SNX8: variants seen among roughly 807,000 people sequenced by gnomAD.
SNX8 encodes the protein sorting nexin 8.
SNX8 carries 25 observed loss-of-function variants against 51.6 expected under a neutral mutation model. The ratio of observed to expected loss-of-function variants is 0.48; its 90% CI spans 0.35 to 0.68. The LOEUF is 0.68. Ranked by LOEUF, SNX8 falls within the 30% of genes least tolerant of loss-of-function variation. The pLI, the probability that SNX8 is intolerant of heterozygous loss-of-function variation, is 0.00. For synonymous variants in SNX8, 324 were observed against 277.0 expected (o/e 1.17, Z -1.68); for missense variants, 695 against 624.0 (o/e 1.11, Z -1.21).
chr7:2,281,180 T>G (rs1795898309), intron 1 of SNX8, among the ~76,000 whole-genome samples: 1 of 151,960 alleles, frequency 6.6e-6, no homozygotes, highest in South Asian at 2.1e-4. Context: ...ATCCCAGCAC[T>G]TTGGGAGGCT....
At chr7:2,286,573 A>G (rs1796033920) in intron 1 of SNX8, among the ~76,000 whole-genome samples, 1 of 149,140 alleles carries the variant, frequency 6.7e-6, no homozygotes, top group Non-Finnish European at 1.5e-5. Flanking sequence ...GCTGGAGTGC[A>G]GTGGCACGAT....
intron 1 of SNX8, among the ~76,000 whole-genome samples, chr7:2,344,611 C>CAAA (rs11370817): frequency 2.2e-5 from 3 of 134,316 alleles, no homozygotes; most frequent in Non-Finnish European, 1.6e-5. Context: ...GACTCCAACT[C>CAAA]AAAAAAAAAA....
At chr7:2,333,546 A>G (rs182681145) in intron 1 of SNX8, among the ~76,000 whole-genome samples, 96 of 152,268 alleles carry the variant, frequency 6.3e-4, no homozygotes, top group African/African-American at 2.0e-3. Context: ...TGAGTGGCAG[A>G]GTGAGAACCT....
At chr7:2,298,251 G>C (rs1038695822) in intron 1 of SNX8, among the ~76,000 whole-genome samples, 1 of 151,996 alleles carries the variant, frequency 6.6e-6, no homozygotes, top group Non-Finnish European at 1.5e-5. Flanking sequence ...CCGAGTAGCC[G>C]GGGCTACAGG....
intron 1 of SNX8, among the ~76,000 whole-genome samples, chr7:2,331,755 C>T (rs1485952692): frequency 6.6e-6 from 1 of 151,250 alleles, no homozygotes; most frequent in Admixed American, 6.6e-5. Flanking sequence ...CATTAAAAAA[C>T]AGGAAATACA....
At chr7:2,308,930 C>T (rs1796607046) in intron 1 of SNX8, among the ~76,000 whole-genome samples, 1 of 151,920 alleles carries the variant, frequency 6.6e-6, no homozygotes, top group Non-Finnish European at 1.5e-5. Flanking sequence ...GCTGGGATTA[C>T]AGGCACTCGC....
chr7:2,255,222 TCAC>T, intron 10 of SNX8, 53 bp from the exon 11 acceptor site: 2 of 1,175,182 alleles, frequency 1.7e-6, no homozygotes, highest in Non-Finnish European at 2.4e-6. Flanking sequence ...GGGCTCCTCC[TCAC>T]GCTCTGATCC....
At chr7:2,257,305 C>T in intron 9 of SNX8, 60 bp downstream of exon 9, 1 of 1,557,306 alleles carries the variant, frequency 6.4e-7, no homozygotes, top group South Asian at 1.2e-5. Context: ...GGCTCCGGGT[C>T]CCACCATGGC....
Position 2,252,587 on chromosome 7 carries a change from TG to T in SNX8, c.*2468del. 1 of 153,034 alleles carries T rather than the reference TG, an allele frequency of 6.5e-6. No homozygotes were observed. Among genetic ancestry groups the T allele is most frequent in the East Asian group, 1.9e-4 (1 of 5,148 alleles). 9.5% of individuals were successfully genotyped at this position (153,034 alleles called of 1,614,324 possible). On this transcript the variant is annotated 3_prime_UTR_variant, in exon 11 of 11. Transcript: ENST00000222990. ...GCACACAGGAAGCAGCCACCACACGTGGGAGACAGGCTGCCCTCGTCACCGC... is the reference window on the plus strand; with the variant it reads ...GCACACAGGAAGCAGCCACCACACGTGGAGACAGGCTGCCCTCGTCACCGC...
upstream of SNX8, among the ~76,000 whole-genome samples, chr7:2,316,764 C>G (rs1333912053): frequency 6.6e-6 from 1 of 152,124 alleles, no homozygotes; most frequent in East Asian, 1.9e-4. Flanking sequence ...CACTCACTCA[C>G]TGCATCCTGC....
At chr7:2,283,271 C>G (rs1562437173) in intron 1 of SNX8, among the ~76,000 whole-genome samples, 3 of 152,268 alleles carry the variant, frequency 2.0e-5, no homozygotes, top group African/African-American at 7.2e-5. Flanking sequence ...GGGACAGACA[C>G]TGGAGGGTCC....
chr7:2,268,283 A>T (rs1256246309), intron 5 of SNX8, among the ~76,000 whole-genome samples: 2 of 130,676 alleles, frequency 1.5e-5, no homozygotes, highest in African/African-American at 6.6e-5. Context: ...CCGTCTGAGA[A>T]GTGAGGAGAC....
Position 2,322,468 on chromosome 7 carries a change from G to A in SNX8, c.-66+31754C>T, listed in dbSNP as rs559518658. ...CCAGCACTTTGGGAGGCCAAGGCGG[G>A]TGGATCACCTGAGGTCAGGGGTTCG... On this transcript the variant is annotated intron_variant, in intron 1 of 5. Coordinates refer to the SNX8 transcript ENST00000435336. Among the ~76,000 whole-genome samples, 21 of 152,170 alleles carry A rather than the reference G, an allele frequency of 1.4e-4. No homozygotes were observed. The South Asian group carries it at 4.4e-3, about 32-fold the overall frequency.
At position 2,278,223 on chromosome 7, in the gene SNX8, C is replaced by T. The variant is rs778934841; in HGVS notation, c.177G>A (p.Gly59=). Residue 59 remains glycine (G), a synonymous_variant, in exon 2 of 11, where the codon GGG becomes GGA. Coordinates refer to ENST00000222990, the MANE Select transcript of SNX8 (RefSeq NM_013321.4). ...PAPSRMQMPQ[G]NPLLLSHTLQ... Reference sequence around the variant, plus strand: ...GGGTGTGGGACAGCAGCAGCGGGTTCCCCTGCGGCATCTGCATTCGACTGG... The same window carrying T: ...GGGTGTGGGACAGCAGCAGCGGGTTTCCCTGCGGCATCTGCATTCGACTGG... The T allele has an allele frequency of 1.2e-6, 2 of 1,612,434 alleles. No homozygotes were observed. The highest frequency in any genetic ancestry group is 1.7e-6 in the Non-Finnish European group (2 of 1,178,908).
At position 2,255,136 on chromosome 7, in the gene SNX8, G is replaced by T; in HGVS notation, c.1318C>A (p.Leu440Ile). 1 of 1,576,852 alleles carries T rather than the reference G, an allele frequency of 6.3e-7. No homozygotes were observed. The highest frequency in any genetic ancestry group is 8.6e-7 in the Non-Finnish European group (1 of 1,161,216). Reference protein sequence around the residue: ...SKVWNDLRPKLSCLFAGPHST... With the variant: ...SKVWNDLRPKISCLFAGPHST... ...TGTGGTCCCGCAAAGAGGCAGCTGA[G>T]CTTGGGCCTCAGGTCGTTCCACACC... The change falls in exon 11 of 11, where the codon CTC becomes ATC. Residue 440 changes from leucine to isoleucine, a missense_variant. Physicochemically the swap from Leu to Ile is conservative, Grantham distance 5. Transcript: ENST00000222990.
At chr7:2,289,512 C>A (rs939373885) in intron 1 of SNX8, among the ~76,000 whole-genome samples, 40 of 152,204 alleles carry the variant, frequency 2.6e-4, no homozygotes, top group African/African-American at 9.7e-4. Context: ...CCTCTTTTAA[C>A]ACAGTTGCGA....
intron 1 of SNX8, among the ~76,000 whole-genome samples, chr7:2,342,672 T>C (rs1443748024): frequency 6.8e-6 from 1 of 147,868 alleles, no homozygotes. Flanking sequence ...AAAAAAAGGA[T>C]AGAATTACAG....
chr7:2,345,143 AAG>A (rs1411676284), intron 1 of SNX8, among the ~76,000 whole-genome samples: 2 of 152,160 alleles, frequency 1.3e-5, no homozygotes, highest in Non-Finnish European at 2.9e-5. Flanking sequence ...AGACAAGCAT[AAG>A]AGTCTTCACT....
intron 1 of SNX8, among the ~76,000 whole-genome samples, chr7:2,351,215 T>G (rs1779132667): frequency 6.6e-6 from 1 of 152,172 alleles, no homozygotes; most frequent in African/African-American, 2.4e-5. Flanking sequence ...CTGCCAGGGT[T>G]GGTGCGGTGC....
Sources: allele counts gnomAD v4.1 joint callset (sites outside exome capture counted in the v4.1 genomes callset), GRCh38; gene constraint gnomAD v4.1.1; transcripts MANE v1.5; gene names NCBI Gene and HGNC (gene_info 2026-07-23, HGNC 2026-07-21).